Variants in CHLSN observed in about 807,000 individuals in gnomAD.
CHLSN encodes the protein protein cholesin.
chr7:1,014,558 C>T, the CHLSN span, among the ~76,000 whole-genome samples: 1 of 152,236 alleles, frequency 6.6e-6, no homozygotes, highest in African/African-American at 2.4e-5. Context: ...CATACCCCAA[C>T]AAAAAGAACT....
chr7:1,101,438 G>A, the CHLSN span, among the ~76,000 whole-genome samples: 1 of 152,146 alleles, frequency 6.6e-6, no homozygotes, highest in African/African-American at 2.4e-5. Context: ...CCAGGGGCTG[G>A]CTCTGTAGAA....
the CHLSN span, chr7:1,010,197 G>A: frequency 2.0e-6 from 3 of 1,521,174 alleles, no homozygotes; most frequent in Non-Finnish European, 2.7e-6. Context: ...CCAGAGACGG[G>A]TGCGCTGCCT....
chr7:987,444 C>G, the CHLSN span: 1 of 1,584,292 alleles, frequency 6.3e-7, no homozygotes, highest in African/African-American at 1.3e-5. Flanking sequence ...CCGTGCTCCA[C>G]GAGGTGCAGC....
At chr7:1,028,809 A>T in the CHLSN span, 17,331 of 628,414 alleles carry the variant, frequency 0.028, 290 homozygotes, top group Non-Finnish European at 0.03. Context: ...CCCCAATCTG[A>T]CTCCATGGCC....
the CHLSN span, among the ~76,000 whole-genome samples, chr7:1,019,981 G>T: frequency 6.6e-6 from 1 of 152,226 alleles, no homozygotes; most frequent in Non-Finnish European, 1.5e-5. Context: ...AGCTTAGGAC[G>T]CTCGGCTCTC....
the CHLSN span, among the ~76,000 whole-genome samples, chr7:1,123,059 C>T: frequency 6.6e-6 from 1 of 152,306 alleles, no homozygotes; most frequent in African/African-American, 2.4e-5. This position sits in a 1 kb window ranked among gnomAD's most constrained non-coding sequence, Gnocchi z 4.4. Flanking sequence ...GGGAGCTCAG[C>T]AAACAACACC....
chr7:980,201 G>C, the CHLSN span, among the ~76,000 whole-genome samples: 1 of 152,216 alleles, frequency 6.6e-6, no homozygotes, highest in Non-Finnish European at 1.5e-5. Flanking sequence ...CAGCCCCTCC[G>C]GGGGAGCCCA....
the CHLSN span, among the ~76,000 whole-genome samples, chr7:1,015,165 C>T: frequency 6.6e-6 from 1 of 152,188 alleles, no homozygotes; most frequent in Non-Finnish European, 1.5e-5. Flanking sequence ...TGGGAAGTGA[C>T]CTGGGTGGCT....
chr7:1,015,277 G>C, the CHLSN span, among the ~76,000 whole-genome samples: 1 of 152,052 alleles, frequency 6.6e-6, no homozygotes, highest in Non-Finnish European at 1.5e-5. Flanking sequence ...ATGAGAGCAG[G>C]TGTGGGCTCC....
chr7:1,026,652 G>A, the CHLSN span: 1 of 152,210 alleles, frequency 6.6e-6, no homozygotes, highest in East Asian at 1.9e-4. Context: ...CCACTTTACT[G>A]AAAATCACAT....
At chr7:992,619 G>A in the CHLSN span, among the ~76,000 whole-genome samples, 7 of 152,270 alleles carry the variant, frequency 4.6e-5, no homozygotes, top group African/African-American at 1.7e-4. Context: ...CTCCCTCGGA[G>A]TGGGCAGCCC....
At chr7:1,053,757 G>A in the CHLSN span, among the ~76,000 whole-genome samples, 1 of 152,318 alleles carries the variant, frequency 6.6e-6, no homozygotes, top group African/African-American at 2.4e-5. Context: ...AACCCGGGAG[G>A]CGGAGGTTGC....
chr7:1,074,228 C>T, the CHLSN span, among the ~76,000 whole-genome samples: 2 of 58,028 alleles, frequency 3.4e-5, no homozygotes, highest in Non-Finnish European at 3.5e-5. Context: ...CGCACCCCGC[C>T]GCCGTCACTC....
At chr7:1,081,470 G>A in the CHLSN span, among the ~76,000 whole-genome samples, 1 of 152,240 alleles carries the variant, frequency 6.6e-6, no homozygotes, top group Non-Finnish European at 1.5e-5. Flanking sequence ...CGGCGGGCTC[G>A]AGCGGGGCTT....
At chr7:1,106,389 G>C in the CHLSN span, among the ~76,000 whole-genome samples, 1 of 152,302 alleles carries the variant, frequency 6.6e-6, no homozygotes, top group East Asian at 1.9e-4. Context: ...CTGTGTTCTG[G>C]GTGCCGTGTG....
the CHLSN span, chr7:1,010,190 G>T: frequency 2.6e-6 from 4 of 1,548,938 alleles, no homozygotes; most frequent in Middle Eastern, 1.7e-4. Flanking sequence ...AGGGTATCCA[G>T]AGACGGGTGC....
the CHLSN span, among the ~76,000 whole-genome samples, chr7:1,082,524 CG>C: frequency 6.6e-6 from 1 of 152,224 alleles, no homozygotes; most frequent in Non-Finnish European, 1.5e-5. Context: ...GTGGCTGGGA[CG>C]GGCTCACAGG....
the CHLSN span, among the ~76,000 whole-genome samples, chr7:1,113,662 G>C: frequency 1.3e-5 from 2 of 152,182 alleles, no homozygotes; most frequent in Admixed American, 1.3e-4. Flanking sequence ...CACCCACCTC[G>C]TCCCAGCCCG....
the CHLSN span, among the ~76,000 whole-genome samples, chr7:1,016,156 CCAGCACACAG>C: frequency 1.7e-3 from 91 of 54,730 alleles, 9 homozygotes; most frequent in East Asian, 4.0e-3. Flanking sequence ...GCAGCACACG[CCAGCACACAG>C]CAGCACACAG....
Sources: gnomAD v4.1 joint callset for allele counts (sites outside exome capture counted in the v4.1 genomes callset) on GRCh38, gnomAD v4.1.1 for gene constraint, Gnocchi (gnomAD v3.1) non-coding constraint, MANE v1.5 for transcripts, NCBI Gene and HGNC (gene_info 2026-07-23, HGNC 2026-07-21) for gene names.